The following LARGE1 variants were observed in gnomAD, a reference collection of about 807,000 sequenced individuals.
LARGE1 encodes xylosyl- and glucuronyltransferase LARGE1.
In LARGE1, 43 loss-of-function variants were observed where a neutral mutation model predicts 87.6. The observed-to-expected ratio is 0.49, with a 90% CI of 0.38 to 0.63. The LOEUF (loss-of-function observed/expected upper bound fraction) is 0.63, where lower values mean the gene tolerates loss of function less well. Among genes scored for constraint, LARGE1 ranks in the 30% least tolerant of loss-of-function variants. The pLI, the probability that LARGE1 is intolerant of heterozygous loss-of-function variation, is 0.00. For synonymous variants in LARGE1, 434 were observed against 394.6 expected (o/e 1.10, Z -1.18); for missense variants, 802 against 1,000.2 (o/e 0.80, Z 2.67).
At chr22:33,678,728 C>T (rs2081654121) in intron 2 of LARGE1, among the ~76,000 whole-genome samples, 1 of 152,128 alleles carries the variant, frequency 6.6e-6, no homozygotes, top group African/African-American at 2.4e-5. Flanking sequence ...GATGACACAC[C>T]CTCCACGAAT....
the LARGE1 span, among the ~76,000 whole-genome samples, chr22:33,143,880 T>G: frequency 6.6e-6 from 1 of 152,186 alleles, no homozygotes; most frequent in African/African-American, 2.4e-5. Context: ...AAAATGAAGA[T>G]GCTCATAGTC....
At chr22:33,559,123 A>C (rs1388777561) in intron 6 of LARGE1, among the ~76,000 whole-genome samples, 1 of 152,254 alleles carries the variant, frequency 6.6e-6, no homozygotes, top group Non-Finnish European at 1.5e-5. Flanking sequence ...GAGGCTGGGC[A>C]GTCCAAGATC....
intron 13 of LARGE1, among the ~76,000 whole-genome samples, chr22:33,281,116 G>C (rs912014544): frequency 6.6e-6 from 1 of 152,170 alleles, no homozygotes; most frequent in Non-Finnish European, 1.5e-5. Flanking sequence ...GACAAGGGCT[G>C]TAACTTAGCA....
chr22:33,777,486 T>G (rs2085278364), intron 1 of LARGE1, among the ~76,000 whole-genome samples: 1 of 151,852 alleles, frequency 6.6e-6, no homozygotes, highest in Non-Finnish European at 1.5e-5. Context: ...AAAAAAGCAT[T>G]TTTTAAATTA....
intron 10 of LARGE1, among the ~76,000 whole-genome samples, chr22:33,326,187 A>C (rs1203063113): frequency 6.6e-6 from 1 of 152,216 alleles, no homozygotes; most frequent in Non-Finnish European, 1.5e-5. Context: ...GTGAAGGTTC[A>C]GAGAGGGTCT....
chr22:33,224,328 C>T (rs137471), intron 11 of LARGE1, among the ~76,000 whole-genome samples: 51,247 of 151,770 alleles, frequency 0.34, 10,604 homozygotes, highest in African/African-American at 0.6. Flanking sequence ...GGATAAATGC[C>T]CTGTATGACT....
At chr22:33,325,867 G>A (rs1200890858) in intron 10 of LARGE1, among the ~76,000 whole-genome samples, 1 of 152,308 alleles carries the variant, frequency 6.6e-6, no homozygotes, top group East Asian at 1.9e-4. Flanking sequence ...GCTTGCATGA[G>A]ACAGGCAAGG....
At chr22:33,905,574 C>A (rs1263395392) in intron 1 of LARGE1, among the ~76,000 whole-genome samples, 2 of 152,138 alleles carry the variant, frequency 1.3e-5, no homozygotes, top group Non-Finnish European at 2.9e-5. Flanking sequence ...AATCCAACAG[C>A]AAGTTATTTT....
chr22:33,460,089 C>T (rs1048558091), intron 6 of LARGE1, among the ~76,000 whole-genome samples: 1 of 152,190 alleles, frequency 6.6e-6, no homozygotes, highest in African/African-American at 2.4e-5. Context: ...CGCTAAGGGG[C>T]TTACATACTG....
At chr22:33,091,013 T>C in the LARGE1 span, among the ~76,000 whole-genome samples, 5 of 152,314 alleles carry the variant, frequency 3.3e-5, no homozygotes, top group African/African-American at 1.2e-4. Flanking sequence ...TCTTTATTTC[T>C]AACCCTTGGA....
intron 7 of LARGE1, among the ~76,000 whole-genome samples, chr22:33,389,463 C>G (rs2065438835): frequency 6.6e-6 from 1 of 152,202 alleles, no homozygotes; most frequent in Non-Finnish European, 1.5e-5. Context: ...CCATGTGTGA[C>G]ACAGTGGTTG....
chr22:33,255,595 A>G (rs2145729967), intron 11 of LARGE1, among the ~76,000 whole-genome samples: 1 of 152,342 alleles, frequency 6.6e-6, no homozygotes, highest in East Asian at 1.9e-4. Flanking sequence ...TTGTTGCTTG[A>G]GATTCACAAC....
chr22:33,201,106 C>T (rs368415181), intron 11 of LARGE1, among the ~76,000 whole-genome samples: 7 of 152,016 alleles, frequency 4.6e-5, no homozygotes, highest in African/African-American at 1.4e-4. Flanking sequence ...GTCAGGAGTT[C>T]GTGACCAGCC....
At chr22:33,480,597 G>A (rs185891746) in intron 6 of LARGE1, among the ~76,000 whole-genome samples, 1 of 152,210 alleles carries the variant, frequency 6.6e-6, no homozygotes, top group African/African-American at 2.4e-5. Context: ...TGAAATCTCA[G>A]TAAATCAAAT....
intron 6 of LARGE1, among the ~76,000 whole-genome samples, chr22:33,466,909 G>A (rs2068641842): frequency 6.6e-6 from 1 of 152,124 alleles, no homozygotes; most frequent in Non-Finnish European, 1.5e-5. Context: ...GCGTGGTGGA[G>A]CACGCCTGTA....
At chr22:33,570,941 C>G (rs76699297) in intron 5 of LARGE1, among the ~76,000 whole-genome samples, 1 of 152,200 alleles carries the variant, frequency 6.6e-6, no homozygotes, top group African/African-American at 2.4e-5. Context: ...TGGAGGGCAC[C>G]AGGCAAATTT....
rs240327 is a variant in LARGE1 at position 33,642,418 on chromosome 22, C to T, written c.408+7949G>A. ...TATGGAAAGGAAAAACTAGCACCAG[C>T]CACTGCAAAAACATACCAAATTATA... On this transcript the variant is annotated intron_variant, in intron 3 of 14. Transcript: ENST00000397394. 2.9e-3 allele frequency among the ~76,000 whole-genome samples: 434 copies of T among 152,136 alleles called. 2 individuals carry two copies. Among genetic ancestry groups the T allele is most frequent in the African/African-American group, 9.9e-3 (412 of 41,494 alleles).
chr22:33,369,962 T>A (rs987259033), intron 9 of LARGE1, among the ~76,000 whole-genome samples: 1 of 151,822 alleles, frequency 6.6e-6, no homozygotes, highest in Admixed American at 6.6e-5. Context: ...CTTAAAGGGC[T>A]TTTAAATAAA....
At chr22:33,588,875 G>A (rs539386447) in intron 5 of LARGE1, among the ~76,000 whole-genome samples, 2 of 152,312 alleles carry the variant, frequency 1.3e-5, no homozygotes, top group South Asian at 2.1e-4. Context: ...CTACTAAAGT[G>A]GGGGTGGGAG....
Sources: allele counts gnomAD v4.1 joint callset (sites outside exome capture counted in the v4.1 genomes callset), GRCh38; gene constraint gnomAD v4.1.1; transcripts MANE v1.5; gene names NCBI Gene and HGNC (gene_info 2026-07-23, HGNC 2026-07-21).